The following CPLANE1 variants were observed in gnomAD, a reference collection of about 807,000 sequenced individuals.
CPLANE1 encodes ciliogenesis and planar polarity effector complex subunit 1.
Under a neutral mutation model 362.5 loss-of-function variants are expected in CPLANE1, and 263 were observed. That is an observed-to-expected ratio of 0.73 (90% CI 0.66 to 0.80). CPLANE1 has a LOEUF of 0.80. Ranked by LOEUF, CPLANE1 falls within the 30% of genes least tolerant of loss-of-function variation. The pLI is 0.00. For missense variants in CPLANE1, 3,461 were observed against 3,793.4 expected, an observed-to-expected ratio of 0.91 and a Z score of 2.30; for synonymous variants, 1,212 against 1,302.6, an observed-to-expected ratio of 0.93 and a Z score of 1.50.
the CPLANE1 span, among the ~76,000 whole-genome samples, chr5:37,099,565 C>T: frequency 1.3e-5 from 2 of 152,064 alleles, no homozygotes; most frequent in African/African-American, 2.4e-5. Context: ...TGGGTTGATT[C>T]CAGTTTTTGT....
At chr5:37,173,647 G>A in intron 32 of CPLANE1, 108 bp downstream of exon 32, 1 of 932,178 alleles carries the variant, frequency 1.1e-6, no homozygotes. Context: ...GCAGAGAAAT[G>A]CTTGTGATAT....
At chr5:37,138,608 T>C (rs1463985766) in intron 46 of CPLANE1, 112 bp downstream of exon 46, 7 of 1,195,728 alleles carry the variant, frequency 5.9e-6, no homozygotes, top group Non-Finnish European at 8.5e-6. Context: ...AAAAAATCTA[T>C]TCTAAGCTTC....
the CPLANE1 span, among the ~76,000 whole-genome samples, chr5:37,079,468 C>T: frequency 6.6e-6 from 1 of 152,158 alleles, no homozygotes; most frequent in South Asian, 2.1e-4. Context: ...TTAGTATCAT[C>T]TTTTTAAATC....
intron 46 of CPLANE1, among the ~76,000 whole-genome samples, chr5:37,134,051 T>C (rs987766968): frequency 2.0e-5 from 3 of 152,238 alleles, no homozygotes; most frequent in African/African-American, 7.2e-5. Context: ...CTATATTTTG[T>C]TGAAGATTTT....
intron 23 of CPLANE1, among the ~76,000 whole-genome samples, chr5:37,186,954 G>A (rs552034369): frequency 4.6e-5 from 7 of 151,322 alleles, no homozygotes; most frequent in Admixed American, 2.6e-4. Flanking sequence ...CCAGCTGCTC[G>A]GAAGGCTGAG....
At chr5:37,179,879 A>T in intron 28 of CPLANE1, 138 bp downstream of exon 28, 1 of 470,156 alleles carries the variant, frequency 2.1e-6, no homozygotes. Flanking sequence ...ATAAATATTT[A>T]ATTCTCTTAA....
chr5:37,147,196 A>C (rs1771921076), intron 43 of CPLANE1, among the ~76,000 whole-genome samples: 1 of 152,228 alleles, frequency 6.6e-6, no homozygotes, highest in Non-Finnish European at 1.5e-5. Flanking sequence ...CAACCAACAG[A>C]AAATGTTTGG....
intron 51 of CPLANE1, among the ~76,000 whole-genome samples, chr5:37,111,755 T>C (rs936687893): frequency 2.6e-5 from 4 of 152,326 alleles, no homozygotes; most frequent in Admixed American, 2.0e-4. Context: ...TCACAGAGTA[T>C]TTTGAAATGC....
chr5:37,108,148 C>T, intron 52 of CPLANE1, 145 bp downstream of exon 52: 1 of 738,674 alleles, frequency 1.4e-6, no homozygotes, highest in Non-Finnish European at 2.2e-6. Context: ...AGATGCTTTG[C>T]ATCACGATTT....
the CPLANE1 span, chr5:37,085,671 C>A: frequency 1.8e-6 from 2 of 1,105,766 alleles, no homozygotes; most frequent in South Asian, 1.2e-5. Context: ...CACCCTGGAT[C>A]TTTTGACGTG....
At chr5:37,208,533 C>A (rs1462976171) in intron 16 of CPLANE1, among the ~76,000 whole-genome samples, 1 of 152,080 alleles carries the variant, frequency 6.6e-6, no homozygotes, top group East Asian at 1.9e-4. Context: ...AAAAATTAGC[C>A]CAGCGAGGTG....
intron 50 of CPLANE1, among the ~76,000 whole-genome samples, chr5:37,115,634 G>GT (rs1172833001): frequency 7.9e-6 from 1 of 125,898 alleles, no homozygotes; most frequent in African/African-American, 3.2e-5. Context: ...GTCTCACTCT[G>GT]TCACCAGGCT....
At chr5:37,210,002 A>C in intron 16 of CPLANE1, 1 of 869,628 alleles carries the variant, frequency 1.1e-6, no homozygotes. Context: ...AACTTCGGGA[A>C]GAAATATGTC....
intron 44 of CPLANE1, 97 bp from the exon 45 acceptor site, chr5:37,139,467 A>C: frequency 9.2e-7 from 1 of 1,092,344 alleles, no homozygotes; most frequent in Non-Finnish European, 1.2e-6. Context: ...ATTAAATTAA[A>C]ATACTTTTAA....
rs1030733479 is a variant in CPLANE1 at position 37,169,547 on chromosome 5, C to T, written c.6477G>A (p.Gly2159=). ...STGNVQNVPH[G]SIPLCQLNGQ... is the part of the protein sequence containing the mutation. ...CATTTAATTGACATAAAGGAATACT[C>T]CCATGTGGAACATTCTGGAAGAGAA... is the stretch of plus-strand genomic sequence containing the variant. Residue 2159 remains glycine (G), a synonymous_variant, in exon 34 of 53, where the codon GGG becomes GGA. Transcript: ENST00000651892. 6.2e-7 allele frequency: 1 copy of T among 1,601,502 alleles called. No homozygotes were observed. Among genetic ancestry groups the T allele is most frequent in the East Asian group, 2.2e-5 (1 of 44,710 alleles).
chr5:37,211,300 A>G (rs1019037969), intron 16 of CPLANE1: 1 of 1,513,762 alleles, frequency 6.6e-7, no homozygotes, highest in Middle Eastern at 2.0e-4. Flanking sequence ...GAACGCTTGG[A>G]AAAGGCTTTC....
At chr5:37,239,276 A>C (rs1046186067) in intron 7 of CPLANE1, among the ~76,000 whole-genome samples, 4 of 152,026 alleles carry the variant, frequency 2.6e-5, no homozygotes, top group African/African-American at 9.7e-5. Context: ...ATTAAACACC[A>C]CCAACTTAAA....
At chr5:37,132,142 A>T (rs1183798393) in intron 46 of CPLANE1, among the ~76,000 whole-genome samples, 1 of 152,136 alleles carries the variant, frequency 6.6e-6, no homozygotes, top group Non-Finnish European at 1.5e-5. Flanking sequence ...AAAATAATTA[A>T]ATAGAAATTA....
chr5:37,165,597 A>C lies in CPLANE1; in HGVS notation c.7475T>G (p.Phe2492Cys). 1 of 1,611,648 alleles carries C rather than the reference A, an allele frequency of 6.2e-7. No individual in the cohort carries two copies. The highest frequency in any genetic ancestry group is 8.5e-7 in the Non-Finnish European group (1 of 1,179,354). The change falls in exon 36 of 53, where the codon TTT becomes TGT. Residue 2492 changes from phenylalanine (F) to cysteine (C), a missense_variant. By Grantham distance (205) the Phe-to-Cys change is radical (BLOSUM62 -2). Around this residue, in one of 2 missense-constraint regions of CPLANE1, gnomAD observed 3,380 missense variants for 3,666.1 expected, o/e 0.92. Transcript: ENST00000651892. ...ATTAATTATGGAATTCTCTGGTCGA[A>C]AAGTCACATTTGGTTTTCTCCTCAG... Reference protein sequence around the residue: ...EKLRRKPNVTFRPENSIINND... With the variant: ...EKLRRKPNVTCRPENSIINND...
Sources: allele counts gnomAD v4.1 joint callset (sites outside exome capture counted in the v4.1 genomes callset), GRCh38; gene constraint gnomAD v4.1.1; regional missense constraint gnomAD v4.1.1; transcripts MANE v1.5; gene names NCBI Gene and HGNC (gene_info 2026-07-23, HGNC 2026-07-21).